The following MED12L variants were observed in gnomAD, a reference collection of about 807,000 sequenced individuals.
MED12L encodes mediator complex subunit 12L, also known as mediator of RNA polymerase II transcription subunit 12-like protein.
Under a neutral mutation model 281.3 loss-of-function variants are expected in MED12L, and 60 were observed. That is an observed-to-expected ratio of 0.21 (90% CI 0.17 to 0.26). MED12L has a LOEUF of 0.26. Among genes scored for constraint, MED12L ranks in the 10% least tolerant of loss-of-function variants. The pLI is 1.00. For missense variants in MED12L, 2,146 were observed against 2,680.9 expected, an observed-to-expected ratio of 0.80 and a Z score of 4.41; for synonymous variants, 974 against 987.2, an observed-to-expected ratio of 0.99 and a Z score of 0.25.
intron 16 of MED12L, among the ~76,000 whole-genome samples, chr3:151,197,108 G>T (rs531551632): frequency 4.6e-5 from 7 of 152,224 alleles, no homozygotes; most frequent in East Asian, 3.9e-4. Flanking sequence ...GAGAGAATTT[G>T]ATCAGAGTTG....
At chr3:151,151,928 C>T (rs1718579733) in intron 5 of MED12L, among the ~76,000 whole-genome samples, 2 of 151,904 alleles carry the variant, frequency 1.3e-5, no homozygotes, top group Admixed American at 1.3e-4. Context: ...TGAAGTATGC[C>T]TGTATTTTAG....
Position 151,334,192 on chromosome 3 carries a change from C to CTTTTTTTTTTTTTTTTTTTTT in MED12L, c.2251-15864_2251-15863insTTTTTTTTTTTTTTTTTTTTT, listed in dbSNP as rs71848482. ...GATGTTATGTGTTTTTTCTTTCTTTCTTTCTTTTTTTTTTTGCCATTTCTA... is the reference window on the plus strand; with the variant it reads ...GATGTTATGTGTTTTTTCTTTCTTTCTTTTTTTTTTTTTTTTTTTTTTTTCTTTTTTTTTTTGCCATTTCTA... On this transcript the variant is annotated intron_variant, in intron 16 of 44. Transcript: ENST00000687756. 2.2e-4 allele frequency among the ~76,000 whole-genome samples: 22 copies of CTTTTTTTTTTTTTTTTTTTTT among 99,438 alleles called. 1 individual carries two copies. The highest frequency in any genetic ancestry group is 6.5e-4 in the East Asian group (2 of 3,064). The allele number at this position is 99,438 out of a possible 152,430, so 65.2% of individuals were successfully genotyped here.
intron 5 of MED12L, among the ~76,000 whole-genome samples, chr3:151,138,337 T>C (rs1030640385): frequency 2.0e-5 from 3 of 152,148 alleles, no homozygotes; most frequent in Admixed American, 6.5e-5. Flanking sequence ...ACAGAGAAAT[T>C]GAGAAGATAG....
intron 39 of MED12L, among the ~76,000 whole-genome samples, chr3:151,402,346 T>C (rs908801017): frequency 6.6e-6 from 1 of 152,228 alleles, no homozygotes; most frequent in Non-Finnish European, 1.5e-5. Context: ...TGACTTTTCC[T>C]AAATCAGATT....
intron 3 of MED12L, among the ~76,000 whole-genome samples, chr3:151,116,814 A>G (rs1426370157): frequency 1.3e-5 from 2 of 152,278 alleles, no homozygotes; most frequent in East Asian, 3.9e-4. Flanking sequence ...ATTTTTGGTA[A>G]GAAGACTACA....
intron 16 of MED12L, among the ~76,000 whole-genome samples, chr3:151,215,868 G>T (rs1422892512): frequency 3.3e-5 from 5 of 152,122 alleles, no homozygotes; most frequent in Non-Finnish European, 4.4e-5. Context: ...CTCCTTTTAG[G>T]TTCTGTGATT....
chr3:151,354,010 G>A (rs1225153221), intron 17 of MED12L, among the ~76,000 whole-genome samples: 5 of 109,784 alleles, frequency 4.6e-5, no homozygotes, highest in East Asian at 3.3e-4. Context: ...GCGTAGTGGC[G>A]GGCGCCTGTA....
At chr3:151,108,124 A>G (rs1722302931) in intron 2 of MED12L, among the ~76,000 whole-genome samples, 1 of 152,102 alleles carries the variant, frequency 6.6e-6, no homozygotes, top group African/African-American at 2.4e-5. Flanking sequence ...CAGAATAGAA[A>G]ACTGTTTCAG....
intron 32 of MED12L, among the ~76,000 whole-genome samples, chr3:151,380,670 T>C (rs1239984662): frequency 6.6e-6 from 1 of 151,840 alleles, no homozygotes; most frequent in Non-Finnish European, 1.5e-5. Flanking sequence ...AATCCATGCC[T>C]TATTCTTCTA....
In MED12L at chr3:151,435,838, A is replaced by G. The variant is rs1720108907; in HGVS notation, c.*3034A>G. Reference sequence around the variant, plus strand: ...AGTGAAACTTCATTATATATAATAGACCTAGACCCTCCCAAGCATTTTCCC... The same window carrying G: ...AGTGAAACTTCATTATATATAATAGGCCTAGACCCTCCCAAGCATTTTCCC... On this transcript the variant is annotated 3_prime_UTR_variant, in exon 45 of 45. Coordinates refer to ENST00000687756, the MANE Select transcript of MED12L (RefSeq NM_001393769.1). 1.3e-5 allele frequency: 2 copies of G among 152,172 alleles called. No homozygotes were observed. Among genetic ancestry groups the G allele is most frequent in the Admixed American group, 1.3e-4 (2 of 15,274 alleles). 9.4% of individuals were successfully genotyped at this position (152,172 alleles called of 1,614,324 possible).
chr3:151,342,941 G>C (rs1158466447), intron 16 of MED12L, among the ~76,000 whole-genome samples: 1 of 152,074 alleles, frequency 6.6e-6, no homozygotes, highest in Non-Finnish European at 1.5e-5. Context: ...TCATTCTCTG[G>C]ATGAGGGGAA....
At chr3:151,088,443 A>C (rs1287884897) in intron 2 of MED12L, among the ~76,000 whole-genome samples, 1 of 152,214 alleles carries the variant, frequency 6.6e-6, no homozygotes, top group East Asian at 1.9e-4. Context: ...AATAGCTTAA[A>C]AATTATTGGG....
chr3:151,224,372 A>G (rs1730053610), intron 16 of MED12L, among the ~76,000 whole-genome samples: 1 of 151,784 alleles, frequency 6.6e-6, no homozygotes, highest in Non-Finnish European at 1.5e-5. Flanking sequence ...GATGTATGTA[A>G]TCATTTATAC....
At chr3:151,320,807 C>T (rs960403746) in intron 16 of MED12L, among the ~76,000 whole-genome samples, 4 of 152,048 alleles carry the variant, frequency 2.6e-5, no homozygotes, top group South Asian at 2.1e-4. Flanking sequence ...AGGCAGTGTC[C>T]GGCTGTGACA....
At chr3:151,331,230 T>G (rs149862105) in intron 16 of MED12L, among the ~76,000 whole-genome samples, 1 of 152,346 alleles carries the variant, frequency 6.6e-6, no homozygotes, top group East Asian at 1.9e-4. Flanking sequence ...TTTGTGCTTC[T>G]TATGTATTAG....
intron 11 of MED12L, among the ~76,000 whole-genome samples, chr3:151,171,199 C>T (rs188236078): frequency 2.4e-4 from 36 of 152,228 alleles, no homozygotes; most frequent in Admixed American, 1.0e-3. Context: ...ACAAAGGAGT[C>T]GTTATGTGGA....
intron 16 of MED12L, among the ~76,000 whole-genome samples, chr3:151,344,407 T>C (rs542915223): frequency 5.9e-5 from 9 of 152,126 alleles, no homozygotes; most frequent in African/African-American, 2.2e-4. Context: ...GATGGAACAT[T>C]TATATGAACT....
At chr3:151,315,005 C>T (rs1355279327) in intron 16 of MED12L, among the ~76,000 whole-genome samples, 4 of 152,080 alleles carry the variant, frequency 2.6e-5, no homozygotes, top group Non-Finnish European at 5.9e-5. Context: ...GAACATCTAC[C>T]CTGGAGACTG....
At chr3:151,232,094 G>C (rs1731794776) in intron 16 of MED12L, among the ~76,000 whole-genome samples, 1 of 152,140 alleles carries the variant, frequency 6.6e-6, no homozygotes, top group Non-Finnish European at 1.5e-5. Flanking sequence ...GGGTGTCTCT[G>C]CTATTTTTCT....
Sources: allele counts gnomAD v4.1 joint callset (sites outside exome capture counted in the v4.1 genomes callset), GRCh38; gene constraint gnomAD v4.1.1; transcripts MANE v1.5; gene names NCBI Gene and HGNC (gene_info 2026-07-23, HGNC 2026-07-21).